The following PHACTR1 variants were observed in gnomAD, a reference collection of about 807,000 sequenced individuals.
The protein encoded by PHACTR1 is RPEL repeat containing 1.
PHACTR1 carries 16 observed loss-of-function variants against 69.2 expected under a neutral mutation model. That is an observed-to-expected ratio of 0.23 (90% confidence interval 0.16 to 0.35). PHACTR1 has a LOEUF of 0.35. Ranked by LOEUF, PHACTR1 falls within the 10% of genes least tolerant of loss-of-function variation. PHACTR1 has a pLI of 1.00. For synonymous variants in PHACTR1, 312 were observed against 284.5 expected (o/e 1.10, Z -0.97); for missense variants, 510 against 734.7 (o/e 0.69, Z 3.54).
In PHACTR1 at chr6:13,008,989, C is replaced by T. The variant is rs79269283; in HGVS notation, c.251-44376C>T. On this transcript the variant is annotated intron_variant, in intron 4 of 14. Coordinates refer to ENST00000332995, the MANE Select transcript of PHACTR1 (RefSeq NM_030948.6). Reference sequence around the variant, plus strand: ...AGGTGGGCCAAGATCCCTCCAGAGGCTCTTGGGGAGAGTCTGTTCCTCCCC... The same window carrying T: ...AGGTGGGCCAAGATCCCTCCAGAGGTTCTTGGGGAGAGTCTGTTCCTCCCC... 6.6e-3 allele frequency among the ~76,000 whole-genome samples: 998 copies of T among 152,270 alleles called. 9 individuals carry two copies. Among genetic ancestry groups the T allele is most frequent in the African/African-American group, 0.023 (969 of 41,540 alleles).
At chr6:12,779,296 T>C (rs1221800627) in intron 4 of PHACTR1, among the ~76,000 whole-genome samples, 4 of 152,048 alleles carry the variant, frequency 2.6e-5, no homozygotes, top group African/African-American at 7.2e-5. Context: ...GATCGCGCCA[T>C]TGCACTCCAG....
At chr6:13,225,505 C>G (rs932314675) in intron 8 of PHACTR1, among the ~76,000 whole-genome samples, 1 of 152,156 alleles carries the variant, frequency 6.6e-6, no homozygotes, top group Admixed American at 6.5e-5. Context: ...CTCTCGCTGC[C>G]CATGTATCTT....
chr6:13,165,809 C>G (rs1460691349), intron 6 of PHACTR1, among the ~76,000 whole-genome samples: 1 of 152,120 alleles, frequency 6.6e-6, no homozygotes, highest in African/African-American at 2.4e-5. Context: ...TAACTTCATT[C>G]ATGAGCCCTT....
At chr6:12,997,742 C>T (rs1263098911) in intron 4 of PHACTR1, among the ~76,000 whole-genome samples, 1 of 152,082 alleles carries the variant, frequency 6.6e-6, no homozygotes, top group Non-Finnish European at 1.5e-5. Context: ...ATCACAAGGT[C>T]ACGAGATGGA....
intron 6 of PHACTR1, among the ~76,000 whole-genome samples, chr6:13,170,490 C>G (rs960123126): frequency 6.6e-6 from 1 of 152,190 alleles, no homozygotes; most frequent in Non-Finnish European, 1.5e-5. Context: ...TACTCCCCAG[C>G]CACTGACATG....
chr6:12,747,071 G>A (rs983203871), intron 3 of PHACTR1, among the ~76,000 whole-genome samples: 2 of 152,166 alleles, frequency 1.3e-5, no homozygotes, highest in Admixed American at 6.6e-5. Flanking sequence ...GGACTCCGCT[G>A]CGCCTCTTGG....
chr6:12,960,036 G>A (rs1307384399), intron 4 of PHACTR1, among the ~76,000 whole-genome samples: 1 of 152,208 alleles, frequency 6.6e-6, no homozygotes, highest in Non-Finnish European at 1.5e-5. Context: ...AAATCAAGGT[G>A]CTTTGATTAA....
At chr6:12,934,036 T>G in intron 4 of PHACTR1, 1 of 1,438,332 alleles carries the variant, frequency 7.0e-7, no homozygotes, top group Non-Finnish European at 9.2e-7. Flanking sequence ...TCTGGAGTCT[T>G]GAAGTCCCAA....
chr6:12,722,042 T>C (rs1450963451), intron 3 of PHACTR1, among the ~76,000 whole-genome samples: 1 of 152,194 alleles, frequency 6.6e-6, no homozygotes, highest in Non-Finnish European at 1.5e-5. Flanking sequence ...CAGTTCTCTA[T>C]TTGGCCAGTC....
intron 4 of PHACTR1, among the ~76,000 whole-genome samples, chr6:12,935,435 G>T (rs756118464): frequency 6.6e-6 from 1 of 151,954 alleles, no homozygotes; most frequent in Non-Finnish European, 1.5e-5. Flanking sequence ...GTAGAAATGG[G>T]GTTTCACCAT....
chr6:12,880,230 CTTT>C (rs61160052), intron 4 of PHACTR1, among the ~76,000 whole-genome samples: 17 of 107,724 alleles, frequency 1.6e-4, no homozygotes, highest in East Asian at 2.6e-4. Context: ...ACTTTTTTTT[CTTT>C]TTTTTTTTTT....
intron 4 of PHACTR1, among the ~76,000 whole-genome samples, chr6:12,895,700 A>G (rs1416793875): frequency 1.3e-5 from 2 of 152,232 alleles, no homozygotes; most frequent in Non-Finnish European, 2.9e-5. Flanking sequence ...AAATGAAACC[A>G]AAGTGACATC....
At chr6:12,981,441 G>GTA (rs1168065226) in intron 4 of PHACTR1, among the ~76,000 whole-genome samples, 1 of 152,196 alleles carries the variant, frequency 6.6e-6, no homozygotes, top group East Asian at 1.9e-4. Context: ...GAAGTAGACA[G>GTA]TATTTCCCTT....
chr6:12,932,175 C>T (rs1288855696), intron 4 of PHACTR1, among the ~76,000 whole-genome samples: 1 of 152,200 alleles, frequency 6.6e-6, no homozygotes, highest in African/African-American at 2.4e-5. Context: ...CTGCCTGCTA[C>T]TGAGGCCATT....
chr6:13,244,022 C>A (rs1223173812), intron 10 of PHACTR1, among the ~76,000 whole-genome samples: 1 of 152,030 alleles, frequency 6.6e-6, no homozygotes, highest in African/African-American at 2.4e-5. Flanking sequence ...TTTCAGGGGA[C>A]CTGCCCCGAT....
chr6:12,945,356 A>G (rs1378915958), intron 4 of PHACTR1, among the ~76,000 whole-genome samples: 3 of 152,088 alleles, frequency 2.0e-5, no homozygotes, highest in Non-Finnish European at 2.9e-5. Flanking sequence ...TTACTTATCC[A>G]CTGTTCAGTC....
intron 4 of PHACTR1, among the ~76,000 whole-genome samples, chr6:12,977,288 G>T (rs1019095405): frequency 6.6e-6 from 1 of 152,106 alleles, no homozygotes; most frequent in Non-Finnish European, 1.5e-5. Context: ...CATTGAGGGT[G>T]TTGGAATGTA....
At chr6:13,163,095 A>G (rs1759281893) in intron 6 of PHACTR1, among the ~76,000 whole-genome samples, 1 of 152,036 alleles carries the variant, frequency 6.6e-6, no homozygotes, top group African/African-American at 2.4e-5. Flanking sequence ...AAGTACAAAA[A>G]TTTGTCGGGT....
At chr6:13,253,156 G>C in intron 10 of PHACTR1, 1 of 351,914 alleles carries the variant, frequency 2.8e-6, no homozygotes, top group South Asian at 2.0e-5. Flanking sequence ...AAGTATGATC[G>C]CCCCAAAATG....
Sources: gnomAD v4.1 joint callset for allele counts (sites outside exome capture counted in the v4.1 genomes callset) on GRCh38, gnomAD v4.1.1 for gene constraint, MANE v1.5 for transcripts, NCBI Gene and HGNC (gene_info 2026-07-23, HGNC 2026-07-21) for gene names.